The following ERBB4 variants were observed in gnomAD, a reference collection of about 807,000 sequenced individuals.
The protein encoded by ERBB4 is receptor tyrosine-protein kinase erbB-4.
In ERBB4, 42 loss-of-function variants were observed where a neutral mutation model predicts 158.0. The ratio of observed to expected loss-of-function variants is 0.27; its 90% CI spans 0.21 to 0.34. The LOEUF is 0.34. Among genes scored for constraint, ERBB4 ranks in the 10% least tolerant of loss-of-function variants. The probability of loss-of-function intolerance (pLI) is 1.00; values close to 1 mark genes in which losing one functional copy is unlikely to be tolerated. For synonymous variants in ERBB4, 583 were observed against 558.7 expected (o/e 1.04, Z -0.61); for missense variants, 1,333 against 1,624.1 (o/e 0.82, Z 3.08).
intron 1 of ERBB4, among the ~76,000 whole-genome samples, chr2:212,158,817 G>C (rs1463794388): frequency 2.0e-5 from 3 of 152,076 alleles, no homozygotes; most frequent in East Asian, 1.9e-4. Flanking sequence ...ATGATGATAT[G>C]ACAAGAATAA....
rs183515910 is a variant in ERBB4 at position 212,267,873 on chromosome 2, T to C, written c.83-142970A>G. 8.4e-4 allele frequency among the ~76,000 whole-genome samples: 127 copies of C among 151,846 alleles called. 1 individual carries two copies. The highest frequency in any genetic ancestry group is 2.9e-3 in the African/African-American group (121 of 41,476). On this transcript the variant is annotated intron_variant, in intron 1 of 27. Coordinates refer to ENST00000342788, the MANE Select transcript of ERBB4 (RefSeq NM_005235.3). Reference sequence around the variant, plus strand: ...TTAGATCTGGCACCAGAGAGAATTATATAGCCCAACAGCAATCTATTTATC... The same window carrying C: ...TTAGATCTGGCACCAGAGAGAATTACATAGCCCAACAGCAATCTATTTATC...
intron 1 of ERBB4, among the ~76,000 whole-genome samples, chr2:212,348,278 C>G (rs2089103694): frequency 6.6e-6 from 1 of 152,076 alleles, no homozygotes; most frequent in Admixed American, 6.6e-5. Context: ...AAGGCACCTA[C>G]TTATAGAGTC....
At position 211,379,810 on chromosome 2, in the gene ERBB4, C is replaced by G. The variant is rs986488486; in HGVS notation, c.*3805G>C. The G allele has an allele frequency of 8.6e-6, 2 of 231,772 alleles. No homozygotes were observed. The highest frequency in any genetic ancestry group is 1.1e-4 in the Admixed American group (2 of 17,686). 14.4% of individuals were successfully genotyped at this position (231,772 alleles called of 1,614,324 possible). A position where few individuals can be genotyped will look rare whatever the true frequency, so the allele number is the denominator to read the frequency against. On this transcript the variant is annotated 3_prime_UTR_variant, in exon 28 of 28. Transcript: ENST00000342788. ...CAGTTTTGAAATAAAGGTTAGAGAGCTCTAGAAAAACTTGTATTTACATCC... is the reference window on the plus strand; with the variant it reads ...CAGTTTTGAAATAAAGGTTAGAGAGGTCTAGAAAAACTTGTATTTACATCC...
Position 212,373,738 on chromosome 2 carries a change from C to CATATATATATCCACATATATATCCAT in ERBB4, c.82+164710_82+164711insATGGATATATATGTGGATATATATAT, listed in dbSNP as rs1560144503. ...ACATATATATCCATATATATATATCCATATATATATCCATGTATATATCCA... is the reference window on the plus strand; with the variant it reads ...ACATATATATCCATATATATATATCCATATATATATCCACATATATATCCATATATATATATCCATGTATATATCCA... On this transcript the variant is annotated intron_variant, in intron 1 of 27. Transcript: ENST00000342788. Among the ~76,000 whole-genome samples, 5 of 138,154 alleles carry CATATATATATCCACATATATATCCAT rather than the reference C, an allele frequency of 3.6e-5. 1 individual carries two copies. The highest frequency in any genetic ancestry group is 7.7e-5 in the Non-Finnish European group (5 of 65,152). 90.6% of individuals were successfully genotyped at this position (138,154 alleles called of 152,430 possible).
chr2:212,385,434 ATCTG>A (rs1464043857), intron 1 of ERBB4, among the ~76,000 whole-genome samples: 1 of 151,816 alleles, frequency 6.6e-6, no homozygotes, highest in Non-Finnish European at 1.5e-5. Context: ...TGAAAATCCT[ATCTG>A]TCTATGTGAG....
intron 3 of ERBB4, among the ~76,000 whole-genome samples, chr2:211,944,157 A>AC: frequency 8.2e-6 from 1 of 122,536 alleles, no homozygotes; most frequent in African/African-American, 3.1e-5. Context: ...TACACTATAT[A>AC]TATACACTAT....
intron 3 of ERBB4, among the ~76,000 whole-genome samples, chr2:211,872,679 G>T (rs1559598305): frequency 6.6e-6 from 1 of 152,020 alleles, no homozygotes; most frequent in Non-Finnish European, 1.5e-5. Context: ...TTCAAGTCAG[G>T]TTAGAAATAA....
chr2:211,525,150 A>C (rs2066311152), intron 20 of ERBB4, among the ~76,000 whole-genome samples: 1 of 152,132 alleles, frequency 6.6e-6, no homozygotes, highest in Non-Finnish European at 1.5e-5. Flanking sequence ...CCTAGTGCTG[A>C]GCTACGTACT....
Position 211,810,663 on chromosome 2 carries a change from T to TC in ERBB4, c.422-22505_422-22504insG, listed in dbSNP as rs1471870046. Among the ~76,000 whole-genome samples the TC allele has an allele frequency of 0.011, 66 of 5,988 alleles. 1 individual carries two copies. The Admixed American group carries it at 0.14, about 12-fold the overall frequency. 3.9% of individuals were successfully genotyped at this position (5,988 alleles called of 152,430 possible). A position where few individuals can be genotyped will look rare whatever the true frequency, so the allele number is the denominator to read the frequency against. On this transcript the variant is annotated intron_variant, in intron 3 of 27. Coordinates refer to ENST00000342788, the MANE Select transcript of ERBB4 (RefSeq NM_005235.3). ...TTTATCCAATTTGCCAGTCTCTGTC[T>TC]TTTTTTTTTTTTTTTTTTTTGAGAC...
intron 25 of ERBB4, among the ~76,000 whole-genome samples, chr2:211,390,987 C>T (rs1024964763): frequency 2.0e-5 from 3 of 152,120 alleles, no homozygotes; most frequent in Admixed American, 6.5e-5. Context: ...CGTGGAAGGG[C>T]AATGCAGCTC....
At position 212,530,486 on chromosome 2, in the gene ERBB4, A is replaced by G. The variant is rs764844593; in HGVS notation, c.82+7963T>C. On this transcript the variant is annotated intron_variant, in intron 1 of 27. Transcript: ENST00000342788. ...ATTTCAGTAAGAGTTTGCCTAGAGCAAAATAGTCACTGCCACCCATGATCT... is the reference window on the plus strand; with the variant it reads ...ATTTCAGTAAGAGTTTGCCTAGAGCGAAATAGTCACTGCCACCCATGATCT... Among the ~76,000 whole-genome samples the G allele has an allele frequency of 5.3e-4, 80 of 152,194 alleles. 1 individual carries two copies. The highest frequency in any genetic ancestry group is 7.7e-4 in the East Asian group (4 of 5,194).
intron 1 of ERBB4, among the ~76,000 whole-genome samples, chr2:212,490,759 G>T (rs760965487): frequency 2.0e-5 from 3 of 151,684 alleles, no homozygotes; most frequent in Non-Finnish European, 4.4e-5. Flanking sequence ...ATCTTTTCTT[G>T]TATAATTAAC....
chr2:212,271,738 A>T (rs2085351311), intron 1 of ERBB4, among the ~76,000 whole-genome samples: 1 of 151,682 alleles, frequency 6.6e-6, no homozygotes, highest in African/African-American at 2.4e-5. Context: ...TATGAACTCC[A>T]CATTTAGAGC....
chr2:212,190,291 C>A (rs1203974866), intron 1 of ERBB4, among the ~76,000 whole-genome samples: 1 of 152,194 alleles, frequency 6.6e-6, no homozygotes, highest in African/African-American at 2.4e-5. Flanking sequence ...AATCCCAGCA[C>A]TTTGGGAGGC....
At chr2:212,126,174 A>C (rs2079918998) in intron 1 of ERBB4, among the ~76,000 whole-genome samples, 1 of 152,066 alleles carries the variant, frequency 6.6e-6, no homozygotes, top group Non-Finnish European at 1.5e-5. Flanking sequence ...TTTGTTTTTT[A>C]ATTTTGTGGC....
At chr2:211,953,310 C>A (rs186262170) in intron 2 of ERBB4, among the ~76,000 whole-genome samples, 86 of 151,884 alleles carry the variant, frequency 5.7e-4, no homozygotes, top group African/African-American at 2.0e-3. Context: ...GTACAGCAAA[C>A]CACCATGGCA....
At chr2:211,929,618 T>A (rs2080118055) in intron 3 of ERBB4, among the ~76,000 whole-genome samples, 1 of 152,122 alleles carries the variant, frequency 6.6e-6, no homozygotes, top group South Asian at 2.1e-4. Flanking sequence ...GTCTATTGAG[T>A]TCCATACGGT....
intron 19 of ERBB4, among the ~76,000 whole-genome samples, chr2:211,595,638 T>G: frequency 6.6e-6 from 1 of 152,266 alleles, no homozygotes; most frequent in African/African-American, 2.4e-5. Flanking sequence ...CACACAGAAA[T>G]ACAGTTAACC....
intron 19 of ERBB4, among the ~76,000 whole-genome samples, chr2:211,607,888 T>TTTTTTTTTC (rs35895749): frequency 8.4e-6 from 1 of 118,864 alleles, no homozygotes; most frequent in African/African-American, 3.0e-5. Flanking sequence ...TTTTTTTTTT[T>TTTTTTTTTC]AGACAGGGTC....
Sources: allele counts gnomAD v4.1 joint callset (sites outside exome capture counted in the v4.1 genomes callset), GRCh38; gene constraint gnomAD v4.1.1; transcripts MANE v1.5; gene names NCBI Gene and HGNC (gene_info 2026-07-23, HGNC 2026-07-21).